Variants in RIPK2 observed in about 807,000 individuals in gnomAD.
RIPK2 encodes receptor-interacting serine/threonine-protein kinase 2.
Under a neutral mutation model 60.9 loss-of-function variants are expected in RIPK2, and 38 were observed. The ratio of observed to expected loss-of-function variants is 0.62; its 90% confidence interval spans 0.48 to 0.82. The LOEUF (loss-of-function observed/expected upper bound fraction) is 0.82. RIPK2 is among the 40% of genes least tolerant of loss of function. The pLI is 0.00. For missense variants in RIPK2, 518 were observed against 647.0 expected, an observed-to-expected ratio of 0.80 and a Z score of 2.16; for synonymous variants, 225 against 223.4, an observed-to-expected ratio of 1.01 and a Z score of -0.06.
At chr8:89,782,693 T>C (rs1202498630) in intron 7 of RIPK2, among the ~76,000 whole-genome samples, 3 of 152,194 alleles carry the variant, frequency 2.0e-5, no homozygotes, top group Non-Finnish European at 4.4e-5. Flanking sequence ...GAAATTTGTT[T>C]TGAGTTTCCT....
At chr8:89,789,114 CA>C (rs1024882124) in intron 9 of RIPK2, among the ~76,000 whole-genome samples, 1 of 152,100 alleles carries the variant, frequency 6.6e-6, no homozygotes, top group African/African-American at 2.4e-5. Context: ...CAATTTCTGA[CA>C]GAAATTGTAG....
At chr8:89,762,684 T>C (rs1411149219) in intron 1 of RIPK2, 145 bp from the exon 2 acceptor site, 1 of 430,404 alleles carries the variant, frequency 2.3e-6, no homozygotes, top group East Asian at 3.4e-5. Flanking sequence ...ATTTTAAATA[T>C]GATGAAACTA....
chr8:89,779,877 C>T (rs1384283621), intron 6 of RIPK2, among the ~76,000 whole-genome samples, 198 bp from the exon 7 acceptor site: 1 of 152,168 alleles, frequency 6.6e-6, no homozygotes, highest in Non-Finnish European at 1.5e-5. Context: ...TGTCCAAAAA[C>T]AGGTGTTTTT....
chr8:89,758,489 CT>C (rs1809089544), intron 1 of RIPK2, among the ~76,000 whole-genome samples: 2 of 152,222 alleles, frequency 1.3e-5, no homozygotes, highest in African/African-American at 2.4e-5. Context: ...CCTTTCTCTC[CT>C]TCCCTCTTAC....
At chr8:89,765,302 G>T (rs1809208927) in intron 2 of RIPK2, 39 bp from the exon 3 acceptor site, 3 of 1,428,552 alleles carry the variant, frequency 2.1e-6, no homozygotes, top group Admixed American at 1.8e-5. Flanking sequence ...GTGAAATTTG[G>T]ACTAATTTCA....
At chr8:89,770,109 G>A (rs1038203511) in intron 4 of RIPK2, among the ~76,000 whole-genome samples, 180 bp downstream of exon 4, 1 of 151,740 alleles carries the variant, frequency 6.6e-6, no homozygotes, top group Non-Finnish European at 1.5e-5. Context: ...TTAATGATTT[G>A]CTTTAAGAAA....
intron 6 of RIPK2, among the ~76,000 whole-genome samples, chr8:89,774,618 C>G (rs1340521563): frequency 3.3e-5 from 5 of 152,132 alleles, no homozygotes; most frequent in Non-Finnish European, 7.3e-5. Flanking sequence ...TAATAGCCAG[C>G]AAGTAGAAAC....
In RIPK2 at chr8:89,772,833, G is replaced by C; in HGVS notation, c.853+5G>C. The C allele has an allele frequency of 6.3e-7, 1 of 1,591,198 alleles. No individual in the cohort carries two copies. The highest frequency in any genetic ancestry group is 1.4e-5 in the African/African-American group (1 of 73,960). On this transcript the variant is annotated splice_donor_5th_base_variant and intron_variant, in intron 6 of 10. Coordinates refer to ENST00000220751, the MANE Select transcript of RIPK2 (RefSeq NM_003821.6). ...ATGAAAGACCATCTTTCTTAAGTGA[G>C]TATATAGTTTTAACCTAGACTCTTT... is the stretch of plus-strand genomic sequence containing the variant.
At chr8:89,779,633 T>C (rs965619295) in intron 6 of RIPK2, among the ~76,000 whole-genome samples, 10 of 152,094 alleles carry the variant, frequency 6.6e-5, no homozygotes, top group African/African-American at 2.2e-4. Context: ...TTTTCAAGTT[T>C]TTTAATGGAT....
At chr8:89,789,505 C>T (rs199589577) in intron 10 of RIPK2, 23 bp downstream of exon 10, 206 of 1,602,804 alleles carry the variant, frequency 1.3e-4, no homozygotes, top group Non-Finnish European at 1.6e-4. Context: ...TGTGAAACAC[C>T]TTGTAAGTGA....
chr8:89,789,633 G>A, intron 10 of RIPK2, 151 bp downstream of exon 10: 1 of 709,484 alleles, frequency 1.4e-6, no homozygotes, highest in Non-Finnish European at 2.2e-6. Flanking sequence ...CCCAGGAGAT[G>A]GGAATGATGA....
At chr8:89,761,345 A>G (rs1809141439) in intron 1 of RIPK2, among the ~76,000 whole-genome samples, 1 of 150,458 alleles carries the variant, frequency 6.6e-6, no homozygotes, top group Non-Finnish European at 1.5e-5. Flanking sequence ...CACTCAGGGT[A>G]AAAAAATAAT....
chr8:89,780,397 C>T (rs1033376143), intron 7 of RIPK2: 3 of 250,180 alleles, frequency 1.2e-5, no homozygotes, highest in South Asian at 1.2e-4. Flanking sequence ...CAGGACCAGG[C>T]GTGGTGACTC....
chr8:89,771,749 T>TTA lies in RIPK2; in HGVS notation c.652_653dup (p.Thr219SerfsTer21). The TTA allele has an allele frequency of 6.2e-7, 1 of 1,604,640 alleles. No homozygotes were observed. Among genetic ancestry groups the TTA allele is most frequent in the Non-Finnish European group, 8.5e-7 (1 of 1,173,706 alleles). On this transcript the variant is annotated frameshift_variant, in exon 5 of 11. Coordinates refer to ENST00000220751, the MANE Select transcript of RIPK2 (RefSeq NM_003821.6). LOFTEE classifies it high-confidence loss of function. ...GTTCTTATGTTAAACAGCTATGCAG[T>TTA]TATCACATGGGAAGTGTTATCCAGA...
intron 10 of RIPK2, 33 bp from the exon 11 acceptor site, chr8:89,790,046 C>T (rs200734679): frequency 2.0e-4 from 295 of 1,505,752 alleles, no homozygotes; most frequent in Non-Finnish European, 2.4e-4. Context: ...CTGTCCTCAC[C>T]TTTTAAATTA....
At chr8:89,759,497 A>C (rs1809110049) in intron 1 of RIPK2, 3 of 427,348 alleles carry the variant, frequency 7.0e-6, no homozygotes, top group Non-Finnish European at 4.8e-6. Flanking sequence ...TGCCAAAGTT[A>C]CTGGATTTTC....
chr8:89,777,010 G>A (rs570778913), intron 6 of RIPK2, among the ~76,000 whole-genome samples: 1 of 152,310 alleles, frequency 6.6e-6, no homozygotes, highest in African/African-American at 2.4e-5. Flanking sequence ...CATGGGGAGA[G>A]GAAACAGGTG....
At chr8:89,768,904 C>T (rs1809270696) in intron 3 of RIPK2, among the ~76,000 whole-genome samples, 1 of 151,688 alleles carries the variant, frequency 6.6e-6, no homozygotes, top group Non-Finnish European at 1.5e-5. Context: ...GCTCATTTCA[C>T]TCTGCTGAAT....
intron 3 of RIPK2, among the ~76,000 whole-genome samples, chr8:89,766,981 T>C (rs529384838): frequency 9.2e-5 from 14 of 151,844 alleles, no homozygotes; most frequent in Non-Finnish European, 2.1e-4. Context: ...ACAGGGACTT[T>C]CACAAAGCAA....
Sources: gnomAD v4.1 joint callset for allele counts (sites outside exome capture counted in the v4.1 genomes callset) on GRCh38, gnomAD v4.1.1 for gene constraint, MANE v1.5 for transcripts, NCBI Gene and HGNC (gene_info 2026-07-23, HGNC 2026-07-21) for gene names.